DPP6: variants seen among roughly 807,000 people sequenced by gnomAD.
DPP6 encodes A-type potassium channel modulatory protein DPP6.
Under a neutral mutation model 122.6 loss-of-function variants are expected in DPP6, and 69 were observed. That is an observed-to-expected ratio of 0.56 (90% CI 0.46 to 0.69). The LOEUF is 0.69. Ranked by LOEUF, DPP6 falls within the 30% of genes least tolerant of loss-of-function variation. The pLI is 0.00. For synonymous variants in DPP6, 418 were observed against 433.1 expected (o/e 0.97, Z 0.43); for missense variants, 928 against 1,116.9 (o/e 0.83, Z 2.41).
intron 1 of DPP6, among the ~76,000 whole-genome samples, chr7:154,314,353 A>G (rs749179056): frequency 2.0e-5 from 3 of 152,248 alleles, no homozygotes; most frequent in Non-Finnish European, 4.4e-5. Flanking sequence ...TGACATCCCA[A>G]TGCTACTTGA....
chr7:153,967,821 T>A (rs1482477362), intron 1 of DPP6, among the ~76,000 whole-genome samples: 1 of 152,076 alleles, frequency 6.6e-6, no homozygotes, highest in African/African-American at 2.4e-5. Flanking sequence ...ATAATGAATT[T>A]AAAGATATAG....
At chr7:154,620,823 T>A (rs944452225) in intron 5 of DPP6, among the ~76,000 whole-genome samples, 4 of 152,244 alleles carry the variant, frequency 2.6e-5, no homozygotes, top group African/African-American at 9.6e-5. Flanking sequence ...CAAATTGTTT[T>A]GGTGGACTCC....
intron 1 of DPP6, among the ~76,000 whole-genome samples, chr7:154,352,147 G>A (rs957038095): frequency 6.6e-6 from 1 of 152,098 alleles, no homozygotes; most frequent in Non-Finnish European, 1.5e-5. Flanking sequence ...ACCTTTTGGA[G>A]TGTCTTGGGT....
At chr7:153,785,778 T>G in the DPP6 span, among the ~76,000 whole-genome samples, 30 of 152,280 alleles carry the variant, frequency 2.0e-4, no homozygotes, top group South Asian at 4.1e-4. Flanking sequence ...TCAGCCTCCC[T>G]AGTACCTGGG....
chr7:154,128,469 T>G (rs1808098952), intron 1 of DPP6, among the ~76,000 whole-genome samples: 1 of 152,168 alleles, frequency 6.6e-6, no homozygotes, highest in Admixed American at 6.5e-5. Context: ...TGGTACGATC[T>G]CAGCTCACTG....
chr7:154,781,911 G>A (rs1030726967), intron 10 of DPP6, among the ~76,000 whole-genome samples: 1 of 152,296 alleles, frequency 6.6e-6, no homozygotes, highest in Non-Finnish European at 1.5e-5. Flanking sequence ...CGGAGACAAT[G>A]CTCTATTAAT....
Position 154,181,749 on chromosome 7 carries a change from C to CTTTT in DPP6, c.243+128702_243+128705dup, listed in dbSNP as rs57576340. ...TGCACTCATGAAAATGCATCTCCCTCTTTTTTTTTTTTTTTTTTTGAGACA... is the reference window on the plus strand; with the variant it reads ...TGCACTCATGAAAATGCATCTCCCTCTTTTTTTTTTTTTTTTTTTTTTTGAGACA... On this transcript the variant is annotated intron_variant, in intron 1 of 25. Transcript: ENST00000377770. Among the ~76,000 whole-genome samples the CTTTT allele has an allele frequency of 1.2e-4, 16 of 134,900 alleles. 1 individual carries two copies. The highest frequency in any genetic ancestry group is 2.5e-4 in the African/African-American group (9 of 36,336). 88.5% of individuals were successfully genotyped at this position (134,900 alleles called of 152,430 possible).
At chr7:153,759,995 C>CTA in the DPP6 span, among the ~76,000 whole-genome samples, 1 of 135,454 alleles carries the variant, frequency 7.4e-6, no homozygotes, top group African/African-American at 3.7e-5. Context: ...CTCTCTCTCT[C>CTA]TATCTGTATG....
chr7:154,603,370 T>G lies in DPP6; in HGVS notation c.628-34451T>G. On this transcript the variant is annotated intron_variant, in intron 5 of 25. Coordinates refer to ENST00000377770, the MANE Select transcript of DPP6 (RefSeq NM_130797.4). ...CTCTTACATGGATATTCGGCCATTT[T>G]AATCATTCCAGGCTGGCTGTGTGCG... Among the ~76,000 whole-genome samples the G allele has an allele frequency of 1.7e-5, 2 of 118,594 alleles. 1 individual carries two copies. The highest frequency in any genetic ancestry group is 5.4e-5 in the African/African-American group (2 of 37,320). 77.8% of individuals were successfully genotyped at this position (118,594 alleles called of 152,430 possible).
At chr7:154,715,049 T>TTATC (rs1554443838) in intron 7 of DPP6, among the ~76,000 whole-genome samples, 4 of 151,606 alleles carry the variant, frequency 2.6e-5, no homozygotes, top group Admixed American at 1.3e-4. Flanking sequence ...TTTATTTTAT[T>TTATC]TTATCTTATC....
chr7:154,386,328 G>A (rs574177412), intron 1 of DPP6, among the ~76,000 whole-genome samples: 4 of 151,612 alleles, frequency 2.6e-5, no homozygotes, highest in Non-Finnish European at 5.9e-5. Flanking sequence ...GCTTCTGTCT[G>A]TCTTCTCCAT....
intron 6 of DPP6, among the ~76,000 whole-genome samples, chr7:154,654,046 A>G (rs1471329539): frequency 6.6e-6 from 1 of 152,146 alleles, no homozygotes; most frequent in Non-Finnish European, 1.5e-5. Flanking sequence ...ATTATTCCCT[A>G]AATGATACAG....
chr7:154,286,489 C>T (rs1257099408), intron 1 of DPP6, among the ~76,000 whole-genome samples: 2 of 152,196 alleles, frequency 1.3e-5, no homozygotes, highest in Non-Finnish European at 2.9e-5. Context: ...CATAGCCAGC[C>T]TTCATCTATC....
the DPP6 span, among the ~76,000 whole-genome samples, chr7:153,874,430 C>T: frequency 6.6e-6 from 1 of 152,144 alleles, no homozygotes; most frequent in Non-Finnish European, 1.5e-5. Context: ...GGCTGGAGTG[C>T]AGTGGTAGGA....
In DPP6 at chr7:154,483,293, C is replaced by A. The variant is rs184011214; in HGVS notation, c.457+8256C>A. On this transcript the variant is annotated intron_variant, in intron 3 of 25. Transcript: ENST00000377770. This position sits in a 1 kb window ranked among gnomAD's most constrained non-coding sequence, Gnocchi z 8.1. ...CGCACCTCTTCCTGGCTCACAGCCCCAGGGACGTGTTTGTGTAGACAATAG... is the reference window on the plus strand; with the variant it reads ...CGCACCTCTTCCTGGCTCACAGCCCAAGGGACGTGTTTGTGTAGACAATAG... Among the ~76,000 whole-genome samples the A allele has an allele frequency of 3.9e-3, 597 of 152,258 alleles. 2 individuals are homozygous for A. Among genetic ancestry groups the A allele is most frequent in the Non-Finnish European group, 6.3e-3 (428 of 68,020 alleles).
chr7:154,169,169 A>G (rs1797408720), intron 1 of DPP6, among the ~76,000 whole-genome samples: 1 of 152,146 alleles, frequency 6.6e-6, no homozygotes, highest in Non-Finnish European at 1.5e-5. Flanking sequence ...GTCTCTGAGT[A>G]AAAAGGAGAG....
chr7:153,901,731 G>A (rs918704244), intron 1 of DPP6, among the ~76,000 whole-genome samples: 1 of 152,236 alleles, frequency 6.6e-6, no homozygotes, highest in Non-Finnish European at 1.5e-5. Flanking sequence ...ATTCTGCAAA[G>A]CAGAAATATG....
chr7:153,978,405 T>G (rs1279511584), intron 1 of DPP6, among the ~76,000 whole-genome samples: 2 of 152,164 alleles, frequency 1.3e-5, no homozygotes, highest in African/African-American at 4.8e-5. Context: ...GGGGTTGTTT[T>G]TTTCTTGTAA....
chr7:154,362,580 A>ATTTTTT (rs35131020), intron 1 of DPP6, among the ~76,000 whole-genome samples: 6 of 133,170 alleles, frequency 4.5e-5, no homozygotes, highest in African/African-American at 1.7e-4. Context: ...ATGCCATGCT[A>ATTTTTT]TTTTTTTTTT....
Sources: gnomAD v4.1 joint callset for allele counts (sites outside exome capture counted in the v4.1 genomes callset) on GRCh38, gnomAD v4.1.1 for gene constraint, Gnocchi (gnomAD v3.1) non-coding constraint, MANE v1.5 for transcripts, NCBI Gene and HGNC (gene_info 2026-07-23, HGNC 2026-07-21) for gene names.